Variants in ASB3 observed in about 807,000 individuals in gnomAD.
ASB3 encodes ankyrin repeat and SOCS box containing 3.
In ASB3, 41 loss-of-function variants were observed where a neutral mutation model predicts 54.5. The observed-to-expected ratio is 0.75, with a 90% CI of 0.59 to 0.98. The LOEUF is 0.98. ASB3 is among the 50% of genes least tolerant of loss of function. The pLI is 0.00. For missense variants in ASB3, 733 were observed against 620.0 expected (o/e 1.18, Z -1.94); for synonymous variants, 266 against 221.2 (o/e 1.20, Z -1.80).
intron 5 of ASB3, among the ~76,000 whole-genome samples, chr2:53,723,631 T>C (rs534745022): frequency 2.0e-5 from 3 of 152,102 alleles, no homozygotes; most frequent in Non-Finnish European, 4.4e-5. Flanking sequence ...GCCAAAGCAA[T>C]ACCAAGCAAA....
intron 7 of ASB3, among the ~76,000 whole-genome samples, chr2:53,703,384 C>T (rs1050327410): frequency 6.6e-6 from 1 of 152,170 alleles, no homozygotes; most frequent in East Asian, 1.9e-4. Context: ...GTGTCATTCT[C>T]ACAAAGAATA....
At chr2:53,775,211 A>T (rs181537428) in intron 1 of ASB3, 8 of 152,748 alleles carry the variant, frequency 5.2e-5, no homozygotes, top group Admixed American at 2.6e-4. Flanking sequence ...GTAGTCTGTC[A>T]TTCACTTTGT....
chr2:53,759,725 G>A lies in ASB3; in HGVS notation c.196+5652C>T, dbSNP rs191364027. 2.3e-3 allele frequency among the ~76,000 whole-genome samples: 356 copies of A among 152,256 alleles called. 1 individual carries two copies. Among genetic ancestry groups the A allele is most frequent in the African/African-American group, 8.1e-3 (335 of 41,546 alleles). On this transcript the variant is annotated intron_variant, in intron 2 of 9. Coordinates refer to ENST00000263634, the MANE Select transcript of ASB3 (RefSeq NM_016115.5). ...AAGGACACTTTAAAAAAGATTGTCC[G>A]AATAGAAATAAGCCTCCCCCTCGTC...
chr2:53,730,444 G>A (rs571005935), intron 3 of ASB3, among the ~76,000 whole-genome samples: 1 of 152,314 alleles, frequency 6.6e-6, no homozygotes, highest in Admixed American at 6.5e-5. Context: ...GTGCTTGGAT[G>A]TAAGAAAGAA....
intron 2 of ASB3, among the ~76,000 whole-genome samples, chr2:53,755,374 T>G (rs1279672075): frequency 6.6e-6 from 1 of 152,214 alleles, no homozygotes; most frequent in Non-Finnish European, 1.5e-5. Context: ...AAAGTGGTAG[T>G]AATGGGTGAT....
chr2:53,769,522 G>T (rs977312198), intron 1 of ASB3, among the ~76,000 whole-genome samples: 1 of 152,152 alleles, frequency 6.6e-6, no homozygotes, highest in Non-Finnish European at 1.5e-5. Flanking sequence ...AAATTGCCTA[G>T]TCAACACAAC....
rs527984162 is a variant in ASB3, at chr2:53,760,749, C to T, written c.196+4628G>A. On this transcript the variant is annotated intron_variant, in intron 2 of 9. Transcript: ENST00000263634. ...TTTTCAAAACTATCAAGCAGATAGT[C>T]AGGATCTGTGAAGTGTGCCGAAGAA... is the stretch of plus-strand genomic sequence containing the variant. Among the ~76,000 whole-genome samples the T allele has an allele frequency of 1.7e-4, 26 of 152,300 alleles. No individual in the cohort carries two copies. In the South Asian group the frequency reaches 5.4e-3, roughly 32 times the overall value.
At chr2:53,730,203 T>C (rs3755119) in intron 3 of ASB3, among the ~76,000 whole-genome samples, 8,679 of 152,258 alleles carry the variant, frequency 0.057, 474 homozygotes, top group East Asian at 0.28. Context: ...TGGAGGAATT[T>C]AAGCACGAAG....
intron 1 of ASB3, among the ~76,000 whole-genome samples, chr2:53,781,177 G>T (rs1674622645): frequency 1.3e-5 from 2 of 152,082 alleles, no homozygotes; most frequent in Non-Finnish European, 2.9e-5. Flanking sequence ...GGAGGCTTGA[G>T]GGGGCAAATC....
chr2:53,753,503 C>T (rs572275677), intron 2 of ASB3, among the ~76,000 whole-genome samples: 2 of 151,978 alleles, frequency 1.3e-5, no homozygotes, highest in East Asian at 3.9e-4. Context: ...TGGCTAGACA[C>T]GGAAACAACT....
chr2:53,730,530 T>C (rs768555164), intron 3 of ASB3, among the ~76,000 whole-genome samples: 21 of 152,164 alleles, frequency 1.4e-4, no homozygotes, highest in Admixed American at 2.6e-4. Flanking sequence ...ATCTTTACAG[T>C]AGAATGATTT....
At chr2:53,737,273 T>C (rs1420024962) in intron 3 of ASB3, among the ~76,000 whole-genome samples, 2 of 152,096 alleles carry the variant, frequency 1.3e-5, no homozygotes, top group African/African-American at 2.4e-5. Context: ...TACGGTACAG[T>C]GAGCTGAAGT....
intron 1 of ASB3, among the ~76,000 whole-genome samples, chr2:53,777,217 TG>T (rs2104196568): frequency 1.3e-5 from 2 of 152,314 alleles, no homozygotes; most frequent in East Asian, 3.9e-4. Context: ...AACTACACAG[TG>T]CTTCACTTCC....
intron 9 of ASB3, among the ~76,000 whole-genome samples, chr2:53,686,893 G>A (rs1227708031): frequency 6.6e-6 from 1 of 151,986 alleles, no homozygotes; most frequent in African/African-American, 2.4e-5. Context: ...GGCTAATTTT[G>A]TATTTTCAGT....
At chr2:53,696,377 C>T (rs970639513) in intron 8 of ASB3, among the ~76,000 whole-genome samples, 1 of 151,898 alleles carries the variant, frequency 6.6e-6, no homozygotes, top group Non-Finnish European at 1.5e-5. Context: ...CAACTGTTCA[C>T]AAGTGGGGGA....
intron 3 of ASB3, among the ~76,000 whole-genome samples, chr2:53,732,993 C>T (rs1671404396): frequency 6.6e-6 from 1 of 152,202 alleles, no homozygotes; most frequent in Non-Finnish European, 1.5e-5. Flanking sequence ...TACAGACATA[C>T]TTTCTCAAGC....
intron 9 of ASB3, among the ~76,000 whole-genome samples, chr2:53,682,853 C>A (rs1483247993): frequency 6.6e-6 from 1 of 152,202 alleles, no homozygotes; most frequent in African/African-American, 2.4e-5. Flanking sequence ...TGAATCTGTT[C>A]ATCAGTTCTA....
chr2:53,758,465 A>G lies in ASB3; in HGVS notation c.196+6912T>C, dbSNP rs185886299. On this transcript the variant is annotated intron_variant, in intron 2 of 9. Transcript: ENST00000263634. ...TACACCCTCTCTGAAAAGAATTTGC[A>G]TAAGAACTGTTGTTTATGGGAACGC... is the stretch of plus-strand genomic sequence containing the variant. Among the ~76,000 whole-genome samples the G allele has an allele frequency of 3.3e-5, 5 of 152,378 alleles. No individual in the cohort carries two copies. In the East Asian group the frequency reaches 9.6e-4, roughly 29 times the overall value.
chr2:53,674,388 C>T (rs1667972565), intron 9 of ASB3, among the ~76,000 whole-genome samples: 1 of 152,138 alleles, frequency 6.6e-6, no homozygotes, highest in East Asian at 1.9e-4. Flanking sequence ...CAGAATTCCT[C>T]TATTTTGTTC....
Sources: allele counts gnomAD v4.1 joint callset (sites outside exome capture counted in the v4.1 genomes callset), GRCh38; gene constraint gnomAD v4.1.1; transcripts MANE v1.5; gene names NCBI Gene and HGNC (gene_info 2026-07-23, HGNC 2026-07-21).